Variants in IL22RA2 observed in about 807,000 individuals in gnomAD.
IL22RA2 encodes interleukin 22 receptor subunit alpha 2, also known as interleukin-22 receptor subunit alpha-2.
A neutral mutation model predicts 30.7 loss-of-function variants in IL22RA2; 39 were observed. The ratio of observed to expected loss-of-function variants is 1.27; its 90% CI spans 0.98 to 1.66. The LOEUF (loss-of-function observed/expected upper bound fraction) is 1.66, where lower values mean the gene tolerates loss of function less well. Among genes scored for constraint, IL22RA2 ranks in the 40% most tolerant of loss-of-function variants. The probability of loss-of-function intolerance (pLI) is 0.00; values close to 1 mark genes in which losing one functional copy is unlikely to be tolerated. For missense variants in IL22RA2, 315 were observed against 312.7 expected (o/e 1.01, Z -0.05); for synonymous variants, 103 against 105.0 (o/e 0.98, Z 0.11).
intron 2 of IL22RA2, among the ~76,000 whole-genome samples, chr6:137,161,044 G>A (rs1778511021): frequency 6.6e-6 from 1 of 152,218 alleles, no homozygotes; most frequent in Non-Finnish European, 1.5e-5. Flanking sequence ...AGTATGTGGT[G>A]CTGATAAGAT....
chr6:137,149,258 C>T (rs1778240893), intron 5 of IL22RA2, among the ~76,000 whole-genome samples: 1 of 152,190 alleles, frequency 6.6e-6, no homozygotes, highest in Non-Finnish European at 1.5e-5. Context: ...AAATGACTCA[C>T]AAATTTTTGT....
intron 1 of IL22RA2, among the ~76,000 whole-genome samples, chr6:137,170,498 T>G (rs2114401739): frequency 6.6e-6 from 1 of 152,238 alleles, no homozygotes; most frequent in Non-Finnish European, 1.5e-5. Context: ...GACTGATAAG[T>G]TTAGGCTGCA....
At chr6:137,152,665 A>AAAACC (rs1478067052) in intron 5 of IL22RA2, among the ~76,000 whole-genome samples, 1 of 152,236 alleles carries the variant, frequency 6.6e-6, no homozygotes, top group Non-Finnish European at 1.5e-5. Context: ...GAATATAGTA[A>AAAACC]AAACCATTAA....
At position 137,144,701 on chromosome 6, in the gene IL22RA2, A is replaced by G. The variant is rs1418884142; in HGVS notation, c.*923T>C. The G allele has an allele frequency of 6.6e-6, 1 of 152,218 alleles. No individual in the cohort carries two copies. Among genetic ancestry groups the G allele is most frequent in the Non-Finnish European group, 1.5e-5 (1 of 68,048 alleles). The allele number at this position is 152,218 out of a possible 1,614,324, so 9.4% of individuals were successfully genotyped here. On this transcript the variant is annotated 3_prime_UTR_variant, in exon 7 of 7. Coordinates refer to ENST00000296980, the MANE Select transcript of IL22RA2 (RefSeq NM_052962.3). ...TTCTCTGTATGGGGTCGACCCCAGC[A>G]GTTCCCAATAAACCATCATTCATGG...
At chr6:137,155,671 C>G (rs1268624829) in intron 4 of IL22RA2, among the ~76,000 whole-genome samples, 1 of 152,122 alleles carries the variant, frequency 6.6e-6, no homozygotes, top group Non-Finnish European at 1.5e-5. Context: ...TCCCACCTCT[C>G]AACATTGCTG....
chr6:137,170,074 A>T (rs13197049), intron 1 of IL22RA2, among the ~76,000 whole-genome samples: 28,552 of 152,058 alleles, frequency 0.19, 2,960 homozygotes, highest in East Asian at 0.41. Context: ...GCCATTTCTA[A>T]TCGGAAGCAT....
intron 5 of IL22RA2, among the ~76,000 whole-genome samples, chr6:137,152,190 G>C (rs906500969): frequency 6.6e-6 from 1 of 151,730 alleles, no homozygotes; most frequent in Non-Finnish European, 1.5e-5. Flanking sequence ...TCCAGCCCAG[G>C]TGACAGAGCA....
chr6:137,169,035 TGG>T, intron 1 of IL22RA2, among the ~76,000 whole-genome samples: 1 of 152,352 alleles, frequency 6.6e-6, no homozygotes, highest in South Asian at 2.1e-4. Flanking sequence ...GAGAGATCAA[TGG>T]CCCTGGGAAG....
chr6:137,154,889 G>A, intron 5 of IL22RA2, 52 bp downstream of exon 5: 1 of 1,520,610 alleles, frequency 6.6e-7, no homozygotes, highest in Non-Finnish European at 9.1e-7. Context: ...TGCTCCGGGA[G>A]GGCTGTCCAA....
At chr6:137,154,645 A>ACACAC (rs1554222456) in intron 5 of IL22RA2, among the ~76,000 whole-genome samples, 1 of 151,790 alleles carries the variant, frequency 6.6e-6, no homozygotes, top group African/African-American at 2.4e-5. Context: ...ACACACACAC[A>ACACAC]AGGTGACAAA....
chr6:137,150,528 A>G (rs1778270375), intron 5 of IL22RA2, among the ~76,000 whole-genome samples: 1 of 147,660 alleles, frequency 6.8e-6, no homozygotes, highest in African/African-American at 2.5e-5. Flanking sequence ...CATACAGAAA[A>G]CACACAAACC....
intron 5 of IL22RA2, among the ~76,000 whole-genome samples, chr6:137,150,164 CA>C (rs1171004802): frequency 2.6e-5 from 4 of 152,188 alleles, no homozygotes; most frequent in African/African-American, 4.8e-5. Context: ...TCCTGCTGCT[CA>C]AAAACAGGTG....
chr6:137,151,213 A>G (rs73780351), intron 5 of IL22RA2, among the ~76,000 whole-genome samples: 1,563 of 152,350 alleles, frequency 0.01, 31 homozygotes, highest in African/African-American at 0.036. Flanking sequence ...TATGGGCACA[A>G]TGATGAATGT....
chr6:137,168,440 G>A (rs1300401348), intron 1 of IL22RA2, among the ~76,000 whole-genome samples: 1 of 152,100 alleles, frequency 6.6e-6, no homozygotes, highest in Non-Finnish European at 1.5e-5. Flanking sequence ...CGCATAAAGG[G>A]CCCGTCTCCA....
At chr6:137,156,951 T>A in intron 3 of IL22RA2, 97 bp from the exon 4 acceptor site, 1 of 1,513,270 alleles carries the variant, frequency 6.6e-7, no homozygotes, top group South Asian at 1.2e-5. Flanking sequence ...AACATTTCCA[T>A]GACAAATTCA....
At chr6:137,155,161 A>C (rs1384261813) in intron 4 of IL22RA2, 42 bp from the exon 5 acceptor site, 1 of 1,411,080 alleles carries the variant, frequency 7.1e-7, no homozygotes, top group Admixed American at 2.4e-5. Context: ...TCTTTTCTCC[A>C]CTCAAGGAGT....
chr6:137,153,760 G>A (rs1306458521), intron 5 of IL22RA2, among the ~76,000 whole-genome samples: 1 of 152,132 alleles, frequency 6.6e-6, no homozygotes, highest in Non-Finnish European at 1.5e-5. Flanking sequence ...CCTCTGGTGT[G>A]CCTCTTAGAG....
At chr6:137,156,091 G>A (rs1161343584) in intron 4 of IL22RA2, among the ~76,000 whole-genome samples, 1 of 152,192 alleles carries the variant, frequency 6.6e-6, no homozygotes, top group Non-Finnish European at 1.5e-5. Context: ...TGTAATTAGG[G>A]GTTGGGAGAG....
chr6:137,153,983 C>A (rs1304231445), intron 5 of IL22RA2, among the ~76,000 whole-genome samples: 1 of 149,834 alleles, frequency 6.7e-6, no homozygotes, highest in Non-Finnish European at 1.5e-5. Context: ...TGGTAAATAT[C>A]TTTTTTTTTT....
Sources: allele counts gnomAD v4.1 joint callset (sites outside exome capture counted in the v4.1 genomes callset), GRCh38; gene constraint gnomAD v4.1.1; transcripts MANE v1.5; gene names NCBI Gene and HGNC (gene_info 2026-07-23, HGNC 2026-07-21).